The following UHRF2 variants were observed in gnomAD, a reference collection of about 807,000 sequenced individuals.
The protein encoded by UHRF2 is E3 ubiquitin-protein ligase UHRF2.
In UHRF2, 23 loss-of-function variants were observed where a neutral mutation model predicts 96.8. The ratio of observed to expected loss-of-function variants is 0.24; its 90% CI spans 0.17 to 0.34. UHRF2 has a LOEUF of 0.34. Ranked by LOEUF, UHRF2 falls within the 10% of genes least tolerant of loss-of-function variation. The pLI is 1.00. For missense variants in UHRF2, 685 were observed against 981.5 expected (o/e 0.70, Z 4.04); for synonymous variants, 385 against 332.6 (o/e 1.16, Z -1.72).
chr9:6,467,585 C>T (rs1163475680), intron 4 of UHRF2, among the ~76,000 whole-genome samples: 2 of 144,164 alleles, frequency 1.4e-5, no homozygotes, highest in African/African-American at 5.3e-5. Flanking sequence ...TCATAGATTC[C>T]GAGAGAATAG....
intron 3 of UHRF2, among the ~76,000 whole-genome samples, chr9:6,447,599 A>G (rs1821597660): frequency 6.6e-6 from 1 of 152,198 alleles, no homozygotes; most frequent in Admixed American, 6.5e-5. Context: ...AACTAAAGGT[A>G]AATAAAGATT....
intron 3 of UHRF2, among the ~76,000 whole-genome samples, chr9:6,459,190 C>G (rs528658917): frequency 4.4e-4 from 67 of 152,140 alleles, no homozygotes; most frequent in African/African-American, 1.5e-3. Flanking sequence ...ACTTTCTGCA[C>G]AGGTATCCAA....
chr9:6,487,191 T>TATTTTTTTTATTTTA (rs1563799281), intron 9 of UHRF2, among the ~76,000 whole-genome samples: 1 of 129,084 alleles, frequency 7.7e-6, no homozygotes, highest in Admixed American at 7.6e-5. Context: ...CCTTTTTTTT[T>TATTTTTTTTATTTTA]TTTTTTTTTT....
intron 3 of UHRF2, among the ~76,000 whole-genome samples, chr9:6,453,371 A>C (rs770873348): frequency 6.6e-6 from 1 of 152,224 alleles, no homozygotes; most frequent in Admixed American, 6.5e-5. Context: ...AAAAACATAC[A>C]GAATGATGAT....
intron 14 of UHRF2, among the ~76,000 whole-genome samples, chr9:6,503,771 G>GTAC (rs2130977873): frequency 6.6e-6 from 1 of 152,132 alleles, no homozygotes; most frequent in Admixed American, 6.5e-5. Context: ...AAGGCAGTCA[G>GTAC]TATGTAATGA....
intron 6 of UHRF2, among the ~76,000 whole-genome samples, chr9:6,479,041 C>G (rs1289670710): frequency 3.0e-4 from 46 of 152,120 alleles, no homozygotes; most frequent in Non-Finnish European, 1.5e-4. Flanking sequence ...AATTCCTCTC[C>G]CACGTTGCCA....
chr9:6,491,778 T>A (rs1824673045), intron 9 of UHRF2, among the ~76,000 whole-genome samples: 1 of 152,250 alleles, frequency 6.6e-6, no homozygotes, highest in African/African-American at 2.4e-5. Context: ...CTGCTTTATG[T>A]GAGCTCTTCC....
intron 2 of UHRF2, among the ~76,000 whole-genome samples, chr9:6,432,241 T>C (rs974279714): frequency 7.9e-5 from 12 of 152,240 alleles, no homozygotes; most frequent in Non-Finnish European, 2.9e-5. Context: ...TCTTTCAAGC[T>C]ATTTCATTGC....
At chr9:6,454,477 T>C (rs1446703676) in intron 3 of UHRF2, among the ~76,000 whole-genome samples, 1 of 152,232 alleles carries the variant, frequency 6.6e-6, no homozygotes, top group Non-Finnish European at 1.5e-5. Context: ...AGCTTATCTT[T>C]GATTCAGTAT....
intron 3 of UHRF2, among the ~76,000 whole-genome samples, chr9:6,448,083 G>A (rs569640840): frequency 2.0e-5 from 3 of 152,312 alleles, no homozygotes; most frequent in South Asian, 4.1e-4. Context: ...TGGACCAGGC[G>A]TAAAGCCTAC....
chr9:6,449,031 C>G (rs373596604), intron 3 of UHRF2, among the ~76,000 whole-genome samples: 1 of 152,204 alleles, frequency 6.6e-6, no homozygotes, highest in Non-Finnish European at 1.5e-5. Flanking sequence ...CCTTTACCAG[C>G]ACCTTTGAGC....
chr9:6,495,438 A>G (rs983099595), intron 10 of UHRF2: 9 of 152,234 alleles, frequency 5.9e-5, no homozygotes, highest in South Asian at 2.1e-4. Context: ...ATGTCTTACA[A>G]ACATGAAAAC....
chr9:6,504,460 C>G (rs933033791), intron 14 of UHRF2, 133 bp from the exon 15 acceptor site: 3 of 591,550 alleles, frequency 5.1e-6, no homozygotes, highest in East Asian at 5.8e-5. Context: ...ATGTTCATCA[C>G]TATAAACATC....
At chr9:6,501,932 G>C (rs1007950454) in intron 14 of UHRF2, among the ~76,000 whole-genome samples, 3 of 152,196 alleles carry the variant, frequency 2.0e-5, no homozygotes, top group African/African-American at 7.2e-5. Context: ...CACCTGAGTG[G>C]TGTGAAAGTT....
At chr9:6,497,475 T>C in intron 11 of UHRF2, 115 bp downstream of exon 11, 2 of 1,173,186 alleles carry the variant, frequency 1.7e-6, no homozygotes, top group Non-Finnish European at 2.4e-6. Flanking sequence ...CTTATATTGC[T>C]ACTTTTTCTG....
At chr9:6,504,887 C>T (rs542165268) in intron 15 of UHRF2, among the ~76,000 whole-genome samples, 196 bp downstream of exon 15, 3 of 152,076 alleles carry the variant, frequency 2.0e-5, no homozygotes, top group East Asian at 3.9e-4. Flanking sequence ...AAATATGTGT[C>T]ATTTGAGATA....
chr9:6,413,919 A>C (rs2169283), intron 1 of UHRF2: 228,932 of 305,336 alleles, frequency 0.75, 87,654 homozygotes, highest in South Asian at 0.82. Flanking sequence ...TTGGTAGGAC[A>C]GCGGCCGTAG....
chr9:6,413,949 C>T (rs1819438999), intron 1 of UHRF2: 1 of 234,666 alleles, frequency 4.3e-6, no homozygotes, highest in Non-Finnish European at 8.2e-6. Flanking sequence ...GCCCAGGTCC[C>T]TCGCTTCCCG....
chr9:6,503,571 G>C (rs1816419630), intron 14 of UHRF2, among the ~76,000 whole-genome samples: 1 of 151,866 alleles, frequency 6.6e-6, no homozygotes, highest in Non-Finnish European at 1.5e-5. Flanking sequence ...TAGGATTGAG[G>C]TAAAATATGA....
Sources: gnomAD v4.1 joint callset for allele counts (sites outside exome capture counted in the v4.1 genomes callset) on GRCh38, gnomAD v4.1.1 for gene constraint, MANE v1.5 for transcripts, NCBI Gene and HGNC (gene_info 2026-07-23, HGNC 2026-07-21) for gene names.